The following CRYBG3 variants were observed in gnomAD, a reference collection of about 807,000 sequenced individuals.
CRYBG3 encodes the protein very large A-kinase anchor protein.
Under a neutral mutation model 244.2 loss-of-function variants are expected in CRYBG3, and 127 were observed. The ratio of observed to expected loss-of-function variants is 0.52; its 90% CI spans 0.45 to 0.60. The LOEUF (loss-of-function observed/expected upper bound fraction) is 0.60. Among genes scored for constraint, CRYBG3 ranks in the 20% least tolerant of loss-of-function variants. The pLI is 0.00. For synonymous variants in CRYBG3, 1,132 were observed against 1,195.8 expected, an observed-to-expected ratio of 0.95 and a Z score of 1.10; for missense variants, 3,325 against 3,442.5, an observed-to-expected ratio of 0.97 and a Z score of 0.85.
chr3:97,899,717 A>G (rs2039683538), intron 14 of CRYBG3, among the ~76,000 whole-genome samples: 1 of 152,202 alleles, frequency 6.6e-6, no homozygotes, highest in Non-Finnish European at 1.5e-5. Context: ...GTGTTGGTGA[A>G]TTGAGTGATA....
chr3:97,860,953 C>T (rs2039137843), intron 2 of CRYBG3, among the ~76,000 whole-genome samples: 1 of 152,064 alleles, frequency 6.6e-6, no homozygotes, highest in Non-Finnish European at 1.5e-5. Context: ...AAAAATTTCA[C>T]ATTTGACAAC....
At chr3:97,881,316 T>A in intron 7 of CRYBG3, 97 bp downstream of exon 7, 1 of 764,596 alleles carries the variant, frequency 1.3e-6, no homozygotes, top group Middle Eastern at 3.6e-4. Flanking sequence ...CATTGCTAAT[T>A]TTTGTGCTGT....
At chr3:97,941,334 C>T (rs767613372) in intron 20 of CRYBG3, 28 bp downstream of exon 20, 2 of 1,515,406 alleles carry the variant, frequency 1.3e-6, no homozygotes, top group Admixed American at 2.0e-5. Flanking sequence ...TACAGTATGC[C>T]ACTTTCTGGT....
Position 97,912,167 on chromosome 3 carries a change from C to A in CRYBG3, c.8005C>A (p.Leu2669Ile). ...AACTGTTGTGTTGTTGTTCTTGTAG[C>A]TCAAAGCATTCAGCAAACCAGGGTT... ...PLGINEPPHL[L>I]KAFSKPGFQG... Residue 2669 changes from leucine (L) to isoleucine (I), a missense_variant and splice_region_variant, in exon 16 of 22, where the codon CTC becomes ATC. Leu to Ile is a conservative substitution (Grantham distance 5). Transcript: ENST00000389622. The A allele has an allele frequency of 6.4e-7, 1 of 1,568,856 alleles. No homozygotes were observed. Among genetic ancestry groups the A allele is most frequent in the African/African-American group, 1.4e-5 (1 of 73,262 alleles).
At chr3:97,835,331 T>C in intron 1 of CRYBG3, among the ~76,000 whole-genome samples, 1 of 151,814 alleles carries the variant, frequency 6.6e-6, no homozygotes, top group East Asian at 1.9e-4. Context: ...ATAATGGAAG[T>C]GGTGAGTCTA....
chr3:97,874,960 A>C lies in CRYBG3; in HGVS notation c.3766A>C (p.Ile1256Leu), dbSNP rs1243821255. 2 of 1,536,014 alleles carry C rather than the reference A, an allele frequency of 1.3e-6. No homozygotes were observed. The highest frequency in any genetic ancestry group is 2.4e-5 in the South Asian group (2 of 84,036). Residue 1256 changes from isoleucine to leucine, a missense_variant, in exon 4 of 22, where the codon ATA becomes CTA. Ile to Leu is a conservative substitution (Grantham distance 5). Coordinates refer to ENST00000389622, the MANE Select transcript of CRYBG3 (RefSeq NM_153605.4). ...CCCATCAGAAGTGACACTAACAGAA[A>C]TACAACAGACAGAGGGTTTGGAAGA... The part of the protein sequence containing the change: ...KNPSEVTLTE[I>L]QQTEGLEEQG...
Position 97,941,218 on chromosome 3 carries a change from A to G in CRYBG3, c.8576A>G (p.Asp2859Gly), listed in dbSNP as rs1336426235. 4 of 1,611,472 alleles carry G rather than the reference A, an allele frequency of 2.5e-6. No individual in the cohort carries two copies. Among genetic ancestry groups the G allele is most frequent in the Non-Finnish European group, 2.5e-6 (3 of 1,178,254 alleles). ...CTGACAGTCACTGGAAGTCTAGCAG[A>G]CACCAGGGCAACATCTGTGTGCATT... ...EYLTVTGSLA[D>G]TRATSVCISP... The change falls in exon 20 of 22, where the codon GAC becomes GGC. Residue 2859 changes from aspartate (D) to glycine (G), a missense_variant. This residue lies in a region of CRYBG3 where 714 missense variants were observed against 803.6 expected (regional missense o/e 0.89). Transcript: ENST00000389622.
chr3:97,914,745 T>C (rs374876218), intron 16 of CRYBG3, among the ~76,000 whole-genome samples: 1 of 152,300 alleles, frequency 6.6e-6, no homozygotes, highest in African/African-American at 2.4e-5. Flanking sequence ...GATTATGAAA[T>C]GCTTATTACA....
intron 2 of CRYBG3, among the ~76,000 whole-genome samples, chr3:97,860,180 C>A (rs1411343639): frequency 2.0e-5 from 3 of 152,186 alleles, no homozygotes; most frequent in Non-Finnish European, 2.9e-5. Context: ...ACTGTTTCTC[C>A]TGCATTCTTA....
intron 17 of CRYBG3, among the ~76,000 whole-genome samples, chr3:97,921,812 G>A (rs2039987640): frequency 6.6e-6 from 1 of 152,160 alleles, no homozygotes; most frequent in Non-Finnish European, 1.5e-5. Context: ...CGCTGGACCA[G>A]GAGTGTGTAG....
intron 2 of CRYBG3, among the ~76,000 whole-genome samples, chr3:97,852,297 T>A (rs1266683044): frequency 6.6e-6 from 1 of 152,052 alleles, no homozygotes; most frequent in Non-Finnish European, 1.5e-5. Context: ...AACCTCAGAG[T>A]GATGCCATGG....
At chr3:97,892,681 A>G (rs1294401042) in intron 10 of CRYBG3, among the ~76,000 whole-genome samples, 179 bp from the exon 11 acceptor site, 1 of 152,134 alleles carries the variant, frequency 6.6e-6, no homozygotes, top group Non-Finnish European at 1.5e-5. Context: ...TTTGGTGCAA[A>G]AAATTTTGCA....
Position 97,875,963 on chromosome 3 carries a change from A to G in CRYBG3, c.4769A>G (p.Asn1590Ser). 8.1e-7 allele frequency: 1 copy of G among 1,232,124 alleles called. No homozygotes were observed. The highest frequency in any genetic ancestry group is 1.5e-5 in the African/African-American group (1 of 64,550). The allele number at this position is 1,232,124 out of a possible 1,614,324, so 76.3% of individuals were successfully genotyped here. A position where few individuals can be genotyped will look rare whatever the true frequency, so the allele number is the denominator to read the frequency against. ...GTCACGAAAACTGAGCCAAAAGCTA[A>G]TGTTTTTAAAATGGGAGAAGTATAC... ...LNVTKTEPKANVFKMGEVYQM... is the reference protein window; with the variant it reads ...LNVTKTEPKASVFKMGEVYQM... The change falls in exon 4 of 22, where the codon AAT (asparagine) becomes AGT (serine). Residue 1590 changes from asparagine to serine, a missense_variant. By Grantham distance (46) the Asn-to-Ser change is conservative. Transcript: ENST00000389622.
At position 97,873,861 on chromosome 3, in the gene CRYBG3, T is replaced by C. The variant is rs909682822; in HGVS notation, c.2667T>C (p.Ile889=). The change falls in exon 4 of 22, where the codon ATT becomes ATC. Residue 889 remains isoleucine (I), a synonymous_variant. Coordinates refer to ENST00000389622, the MANE Select transcript of CRYBG3 (RefSeq NM_153605.4). ...EVEQGKRFQS[I]NHNEIGEKCS... The stretch of plus-strand genomic sequence containing the variant: ...AACAGGGCAAACGTTTTCAATCAAT[T>C]AATCATAATGAGATAGGAGAGAAAT... The C allele has an allele frequency of 1.0e-5, 16 of 1,535,422 alleles. No homozygotes were observed. The highest frequency in any genetic ancestry group is 1.4e-5 in the Non-Finnish European group (16 of 1,146,680).
intron 4 of CRYBG3, 122 bp downstream of exon 4, chr3:97,878,159 C>G (rs1559730556): frequency 1.1e-6 from 1 of 885,758 alleles, no homozygotes; most frequent in African/African-American, 1.7e-5. Context: ...GCCTGTAATC[C>G]TGGCACTTTG....
chr3:97,871,704 G>A (rs1230265172), intron 3 of CRYBG3, 138 bp from the exon 4 acceptor site: 30 of 541,618 alleles, frequency 5.5e-5, no homozygotes, highest in Admixed American at 1.9e-4. Context: ...AATTTAAAGC[G>A]TTCTAGGATT....
Position 97,873,956 on chromosome 3 carries a change from A to C in CRYBG3, c.2762A>C (p.Lys921Thr). 1.0e-5 allele frequency: 16 copies of C among 1,535,258 alleles called. No homozygotes were observed. Among genetic ancestry groups the C allele is most frequent in the Non-Finnish European group, 1.4e-5 (16 of 1,146,676 alleles). Residue 921 changes from lysine to threonine, a missense_variant, in exon 4 of 22, where the codon AAG (lysine) becomes ACG (threonine). By Grantham distance (78) the Lys-to-Thr change is moderately conservative. Transcript: ENST00000389622. ...CCTGCTGCCTCCAAATATGAAGATA[A>C]GCCAGAACCAGAGGTAGATGCCTTA... ...LSPAASKYED[K>T]PEPEVDALGS...
intron 19 of CRYBG3, 57 bp downstream of exon 19, chr3:97,936,965 A>C: frequency 3.2e-6 from 5 of 1,569,892 alleles, no homozygotes; most frequent in Non-Finnish European, 4.4e-6. Context: ...TAGAAATGTC[A>C]TAAACCACAG....
chr3:97,882,407 AG>A (rs922375516), intron 7 of CRYBG3, among the ~76,000 whole-genome samples: 16 of 152,166 alleles, frequency 1.1e-4, no homozygotes, highest in African/African-American at 3.6e-4. Flanking sequence ...AGGGGAAATA[AG>A]GGAGGATTGG....
Sources: gnomAD v4.1 joint callset for allele counts (sites outside exome capture counted in the v4.1 genomes callset) on GRCh38, gnomAD v4.1.1 for gene constraint, gnomAD v4.1.1 regional missense constraint, MANE v1.5 for transcripts, NCBI Gene and HGNC (gene_info 2026-07-23, HGNC 2026-07-21) for gene names.